Variants in SNTG1 observed in about 807,000 individuals in gnomAD.
SNTG1 encodes the protein gamma-1-syntrophin.
A neutral mutation model predicts 74.7 loss-of-function variants in SNTG1; 39 were observed. That is an observed-to-expected ratio of 0.52 (90% CI 0.40 to 0.68). The LOEUF is 0.68. SNTG1 is among the 30% of genes least tolerant of loss of function. SNTG1 has a pLI of 0.00. For synonymous variants in SNTG1, 254 were observed against 217.1 expected (o/e 1.17, Z -1.49); for missense variants, 685 against 609.5 (o/e 1.12, Z -1.30).
chr8:50,317,570 T>C (rs1005697361), intron 2 of SNTG1, among the ~76,000 whole-genome samples: 1 of 152,136 alleles, frequency 6.6e-6, no homozygotes, highest in Non-Finnish European at 1.5e-5. Context: ...TGAAACGTGT[T>C]AGCACAAACA....
chr8:50,429,810 G>A (rs182563385), intron 4 of SNTG1, among the ~76,000 whole-genome samples: 51 of 151,908 alleles, frequency 3.4e-4, no homozygotes, highest in Non-Finnish European at 5.3e-4. Context: ...TCAAAAAATG[G>A]GCAAATAATT....
At chr8:50,331,003 C>CT (rs935033222) in intron 2 of SNTG1, among the ~76,000 whole-genome samples, 16 of 151,896 alleles carry the variant, frequency 1.1e-4, no homozygotes, top group South Asian at 2.1e-4. Context: ...GGATATAATT[C>CT]TTTTTTTTGC....
intron 1 of SNTG1, among the ~76,000 whole-genome samples, chr8:50,170,128 C>T (rs2082754931): frequency 6.6e-6 from 1 of 152,156 alleles, no homozygotes; most frequent in Non-Finnish European, 1.5e-5. Flanking sequence ...TGTCTGCTCA[C>T]CTCTGTGGCT....
intron 1 of SNTG1, among the ~76,000 whole-genome samples, chr8:50,018,034 G>C (rs965514707): frequency 6.6e-6 from 1 of 151,854 alleles, no homozygotes; most frequent in African/African-American, 2.4e-5. Flanking sequence ...TAAATAAATA[G>C]ACAGAAAATC....
chr8:49,939,511 T>C (rs1193051916), intron 1 of SNTG1, among the ~76,000 whole-genome samples: 1 of 152,200 alleles, frequency 6.6e-6, no homozygotes. Context: ...ATGTAAACCA[T>C]GCTGGTCTTG....
At position 50,601,152 on chromosome 8, in the gene SNTG1, C is replaced by CAAAAAAAAAAAAA. The variant is rs71235311; in HGVS notation, c.849+10255_849+10267dup. ...CAGCCTGGTGACAGAGCCAGCGAGA[C>CAAAAAAAAAAAAA]AAAAAAAAAAAAAAAAAAAAAAAAA... On this transcript the variant is annotated intron_variant, in intron 13 of 18. Transcript: ENST00000642720. Among the ~76,000 whole-genome samples, 92 of 31,442 alleles carry CAAAAAAAAAAAAA rather than the reference C, an allele frequency of 2.9e-3. 28 individuals carry two copies. The highest frequency in any genetic ancestry group is 0.015 in the African/African-American group (77 of 5,084). The allele number at this position is 31,442 out of a possible 152,430, so 20.6% of individuals were successfully genotyped here. A position where few individuals can be genotyped will look rare whatever the true frequency, so the allele number is the denominator to read the frequency against.
At chr8:50,771,398 A>G (rs2095626827) in intron 18 of SNTG1, among the ~76,000 whole-genome samples, 1 of 152,140 alleles carries the variant, frequency 6.6e-6, no homozygotes, top group South Asian at 2.1e-4. Context: ...AGTGATTAAT[A>G]TTTGACAGAA....
intron 15 of SNTG1, among the ~76,000 whole-genome samples, chr8:50,694,817 G>T (rs1022408184): frequency 2.6e-5 from 4 of 151,286 alleles, no homozygotes; most frequent in Non-Finnish European, 5.9e-5. Context: ...TTAATGAAAT[G>T]AAGGACAAAT....
At chr8:50,508,424 G>A (rs1175565275) in intron 9 of SNTG1, among the ~76,000 whole-genome samples, 1 of 152,110 alleles carries the variant, frequency 6.6e-6, no homozygotes, top group African/African-American at 2.4e-5. Flanking sequence ...ATAATCCTTT[G>A]GGTATATACC....
At chr8:50,429,978 A>T (rs77580652) in intron 4 of SNTG1, among the ~76,000 whole-genome samples, 3,809 of 152,254 alleles carry the variant, frequency 0.025, 68 homozygotes, top group South Asian at 0.08. Context: ...GAATATGGAG[A>T]AATTGAAATT....
chr8:50,158,209 G>A (rs1462874427), intron 1 of SNTG1, among the ~76,000 whole-genome samples: 5 of 152,014 alleles, frequency 3.3e-5, no homozygotes, highest in Non-Finnish European at 7.4e-5. Flanking sequence ...GATATCCAAA[G>A]CTTTCTTGAT....
At chr8:50,661,643 C>T (rs1433511930) in intron 15 of SNTG1, among the ~76,000 whole-genome samples, 1 of 152,114 alleles carries the variant, frequency 6.6e-6, no homozygotes, top group African/African-American at 2.4e-5. Flanking sequence ...ATCCACCCAT[C>T]ATCTAGGTTT....
At chr8:50,615,006 G>A (rs1010337345) in intron 13 of SNTG1, among the ~76,000 whole-genome samples, 14 of 149,746 alleles carry the variant, frequency 9.3e-5, no homozygotes, top group African/African-American at 2.5e-4. Context: ...ACAGTGGTGC[G>A]ACCTCGGCTC....
chr8:50,174,008 C>T lies in SNTG1; in HGVS notation c.-28+1373C>T, dbSNP rs762079474. 7.2e-4 allele frequency among the ~76,000 whole-genome samples: 109 copies of T among 152,078 alleles called. 1 individual carries two copies. Among genetic ancestry groups the T allele is most frequent in the Non-Finnish European group, 2.1e-4 (14 of 68,016 alleles). ...CCCCTTGGCCCCAACTCCCAAAAGG[C>T]CCTGGTGTGTGATGTTCCCCTCCCT... On this transcript the variant is annotated intron_variant, in intron 2 of 18. Coordinates refer to ENST00000642720, the MANE Select transcript of SNTG1 (RefSeq NM_018967.5).
chr8:50,434,398 G>T (rs578135796), intron 4 of SNTG1, among the ~76,000 whole-genome samples: 62 of 152,208 alleles, frequency 4.1e-4, no homozygotes, highest in Non-Finnish European at 8.2e-4. Context: ...CCTTTGGGTA[G>T]ATACTCAGTA....
chr8:50,342,319 C>T (rs552689950), intron 2 of SNTG1, among the ~76,000 whole-genome samples: 21 of 152,138 alleles, frequency 1.4e-4, no homozygotes, highest in African/African-American at 4.8e-4. Context: ...TTATAAAATA[C>T]TTATAGGTAG....
chr8:50,559,265 G>T (rs2094473632), intron 12 of SNTG1, among the ~76,000 whole-genome samples: 1 of 152,112 alleles, frequency 6.6e-6, no homozygotes, highest in Non-Finnish European at 1.5e-5. Flanking sequence ...AAAATATATT[G>T]CAAAAGCAAT....
At chr8:50,156,355 G>A (rs61080467) in intron 1 of SNTG1, among the ~76,000 whole-genome samples, 12,337 of 151,976 alleles carry the variant, frequency 0.081, 1,634 homozygotes, top group African/African-American at 0.28. Context: ...GATCTATAAC[G>A]CTTATGATCA....
intron 9 of SNTG1, among the ~76,000 whole-genome samples, chr8:50,505,544 A>G (rs1456522992): frequency 6.6e-6 from 1 of 152,076 alleles, no homozygotes; most frequent in Non-Finnish European, 1.5e-5. Flanking sequence ...GATAGTGGCC[A>G]TTCTAATTGT....
Sources: allele counts gnomAD v4.1 joint callset (sites outside exome capture counted in the v4.1 genomes callset), GRCh38; gene constraint gnomAD v4.1.1; transcripts MANE v1.5; gene names NCBI Gene and HGNC (gene_info 2026-07-23, HGNC 2026-07-21).